ANO6: variants seen among roughly 807,000 people sequenced by gnomAD.
ANO6 encodes the protein anoctamin-6.
A neutral mutation model predicts 117.5 loss-of-function variants in ANO6; 106 were observed. That is an observed-to-expected ratio of 0.90 (90% CI 0.77 to 1.06). The LOEUF (loss-of-function observed/expected upper bound fraction) is 1.06, where lower values mean the gene tolerates loss of function less well. ANO6 is among the 50% of genes least tolerant of loss of function. The pLI is 0.00. For missense variants in ANO6, 955 were observed against 1,121.1 expected (o/e 0.85, Z 2.12); for synonymous variants, 367 against 385.1 (o/e 0.95, Z 0.55).
At chr12:45,423,724 G>A (rs1943423824) in intron 19 of ANO6, among the ~76,000 whole-genome samples, 1 of 152,132 alleles carries the variant, frequency 6.6e-6, no homozygotes, top group African/African-American at 2.4e-5. Flanking sequence ...CCAATTCTTG[G>A]GTTTGCTCTC....
chr12:45,279,466 A>G (rs959940178), intron 1 of ANO6, among the ~76,000 whole-genome samples: 1 of 152,206 alleles, frequency 6.6e-6, no homozygotes, highest in Non-Finnish European at 1.5e-5. Context: ...CTAAATGCAT[A>G]TATTCAGTCT....
At chr12:45,400,542 A>G (rs11183013) in intron 12 of ANO6, among the ~76,000 whole-genome samples, 8,509 of 152,326 alleles carry the variant, frequency 0.056, 479 homozygotes, top group East Asian at 0.32. Flanking sequence ...TGCTATAATC[A>G]TAGCTAATAC....
At chr12:45,277,673 G>A (rs144912745) in intron 1 of ANO6, among the ~76,000 whole-genome samples, 57 of 152,072 alleles carry the variant, frequency 3.7e-4, no homozygotes, top group East Asian at 3.7e-3. Flanking sequence ...ATTTTTCTCT[G>A]GCTTTCAGTT....
At chr12:45,376,163 C>T (rs1295787034) in intron 9 of ANO6, among the ~76,000 whole-genome samples, 5 of 150,338 alleles carry the variant, frequency 3.3e-5, no homozygotes, top group African/African-American at 1.0e-4. Flanking sequence ...TGCCATCTCA[C>T]ACCAGTTAGA....
intron 10 of ANO6, 49 bp downstream of exon 10, chr12:45,378,162 A>T (rs757515330): frequency 3.2e-6 from 5 of 1,540,584 alleles, no homozygotes; most frequent in South Asian, 2.3e-5. Flanking sequence ...AGTATTACAC[A>T]GTTTTATGTA....
At position 45,416,695 on chromosome 12, in the gene ANO6, A is replaced by G. The variant is rs1943221558; in HGVS notation, c.2012-4A>G. ...TCCATGATGTGTGTCCATTCCATTG[A>G]CAGTTATTCAGTTTGGGTTCGTCAC... On this transcript the variant is annotated splice_polypyrimidine_tract_variant and splice_region_variant and intron_variant, in intron 16 of 19. Coordinates refer to ENST00000320560, the MANE Select transcript of ANO6 (RefSeq NM_001025356.3). 1.2e-6 allele frequency: 2 copies of G among 1,613,708 alleles called. No homozygotes were observed. Among genetic ancestry groups the G allele is most frequent in the South Asian group, 2.2e-5 (2 of 91,058 alleles).
rs1026474063 is a variant in ANO6 at position 45,400,353 on chromosome 12, C to T, written c.1387-1442C>T. Among the ~76,000 whole-genome samples, 3 of 152,104 alleles carry T rather than the reference C, an allele frequency of 2.0e-5. No individual in the cohort carries two copies. The South Asian group carries it at 6.2e-4, about 32-fold the overall frequency. ...GCTAAGAGAGGATGACTTGATTCAT[C>T]TTTTTAATTTTTCTCAGCCTTATCT... On this transcript the variant is annotated intron_variant, in intron 12 of 19. Coordinates refer to ENST00000320560, the MANE Select transcript of ANO6 (RefSeq NM_001025356.3).
At chr12:45,359,941 TA>T (rs913047135) in intron 8 of ANO6, among the ~76,000 whole-genome samples, 4 of 152,120 alleles carry the variant, frequency 2.6e-5, no homozygotes, top group African/African-American at 4.8e-5. Flanking sequence ...CATCAGCACT[TA>T]AAAAAAATTG....
intron 1 of ANO6, 98 bp downstream of exon 1, chr12:45,216,489 G>A: frequency 2.1e-6 from 3 of 1,403,450 alleles, no homozygotes; most frequent in Non-Finnish European, 2.9e-6. Flanking sequence ...CGCGGGGGAG[G>A]TTGGCCGAGA....
chr12:45,406,404 T>C (rs1463115895), intron 15 of ANO6, among the ~76,000 whole-genome samples: 25 of 152,248 alleles, frequency 1.6e-4, no homozygotes, highest in Admixed American at 1.6e-3. Flanking sequence ...GTATAATTCC[T>C]GTGTTAACTC....
chr12:45,278,842 C>T (rs182447561), intron 1 of ANO6, among the ~76,000 whole-genome samples: 88 of 152,290 alleles, frequency 5.8e-4, no homozygotes, highest in African/African-American at 1.8e-3. Flanking sequence ...CAATTATGCA[C>T]TTCACTTTAG....
chr12:45,293,932 C>T (rs1390694340), intron 1 of ANO6, among the ~76,000 whole-genome samples: 1 of 151,786 alleles, frequency 6.6e-6, no homozygotes, highest in Non-Finnish European at 1.5e-5. Context: ...TTGGCTCCAC[C>T]TATAATAATG....
chr12:45,247,852 A>G (rs1947848666), intron 1 of ANO6, among the ~76,000 whole-genome samples: 1 of 152,160 alleles, frequency 6.6e-6, no homozygotes, highest in East Asian at 1.9e-4. Context: ...TCTCCATACC[A>G]TTGTACTGGG....
chr12:45,328,490 C>T (rs955606111), intron 2 of ANO6, among the ~76,000 whole-genome samples: 6 of 152,174 alleles, frequency 3.9e-5, no homozygotes, highest in Non-Finnish European at 8.8e-5. Flanking sequence ...TTGGAAAAAA[C>T]GTTCTACTTA....
At chr12:45,270,967 A>C (rs1248684868) in intron 1 of ANO6, among the ~76,000 whole-genome samples, 1 of 151,994 alleles carries the variant, frequency 6.6e-6, no homozygotes, top group African/African-American at 2.4e-5. Context: ...TGATCCACCC[A>C]CCTCGGCCTC....
chr12:45,318,358 C>T (rs1459747192), intron 2 of ANO6, among the ~76,000 whole-genome samples: 1 of 152,184 alleles, frequency 6.6e-6, no homozygotes, highest in Non-Finnish European at 1.5e-5. Flanking sequence ...CCAATTTTCC[C>T]AGCACCATTT....
In ANO6 at chr12:45,333,803, G is replaced by A. The variant is rs201348938; in HGVS notation, c.279+2380G>A. Among the ~76,000 whole-genome samples the A allele has an allele frequency of 1.5e-4, 23 of 151,966 alleles. No individual in the cohort carries two copies. In the East Asian group the frequency reaches 3.1e-3, roughly 20 times the overall value. Reference sequence around the variant, plus strand: ...ATTTGTGAGTTCCATTGTACTCCTTGTCAGGCCTTATTGAGGATTTAGGAC... The same window carrying A: ...ATTTGTGAGTTCCATTGTACTCCTTATCAGGCCTTATTGAGGATTTAGGAC... On this transcript the variant is annotated intron_variant, in intron 3 of 19. Transcript: ENST00000320560.
chr12:45,343,881 C>T (rs2137435628), intron 3 of ANO6, among the ~76,000 whole-genome samples: 1 of 145,584 alleles, frequency 6.9e-6, no homozygotes, highest in South Asian at 2.4e-4. Flanking sequence ...GCTCTCTCAG[C>T]CACCCCAGAA....
intron 10 of ANO6, among the ~76,000 whole-genome samples, chr12:45,380,510 C>T (rs1942141296): frequency 6.6e-6 from 1 of 152,232 alleles, no homozygotes; most frequent in African/African-American, 2.4e-5. Flanking sequence ...ACCTGTGCTG[C>T]TTCTGCTAGG....
Sources: gnomAD v4.1 joint callset for allele counts (sites outside exome capture counted in the v4.1 genomes callset) on GRCh38, gnomAD v4.1.1 for gene constraint, MANE v1.5 for transcripts, NCBI Gene and HGNC (gene_info 2026-07-23, HGNC 2026-07-21) for gene names.